Variants in RAP1GAP2 observed in about 807,000 individuals in gnomAD.
The protein encoded by RAP1GAP2 is RAP1 GTPase activating protein 2, also known as rap1 GTPase-activating protein 2.
Under a neutral mutation model 95.0 loss-of-function variants are expected in RAP1GAP2, and 27 were observed. The ratio of observed to expected loss-of-function variants is 0.28; its 90% confidence interval spans 0.21 to 0.39. The LOEUF is 0.39. Among genes scored for constraint, RAP1GAP2 ranks in the 10% least tolerant of loss-of-function variants. RAP1GAP2 has a pLI of 1.00. For missense variants in RAP1GAP2, 771 were observed against 970.0 expected (o/e 0.79, Z 2.72); for synonymous variants, 373 against 380.9 (o/e 0.98, Z 0.24).
rs1203385760 is a variant in RAP1GAP2, at chr17:2,906,805, T to C, written c.165+1437T>C. Among the ~76,000 whole-genome samples the C allele has an allele frequency of 6.6e-6, 1 of 152,202 alleles. No individual in the cohort carries two copies. Among genetic ancestry groups the C allele is most frequent in the Non-Finnish European group, 1.5e-5 (1 of 68,038 alleles). ...TCTCTTGGCAGATTTTACTTACTCATGTACTCATTTAATTCATTTAATACC... is the reference window on the plus strand; with the variant it reads ...TCTCTTGGCAGATTTTACTTACTCACGTACTCATTTAATTCATTTAATACC... On this transcript the variant is annotated intron_variant, in intron 3 of 24. Coordinates refer to ENST00000254695, the MANE Select transcript of RAP1GAP2 (RefSeq NM_015085.5). The surrounding 1 kb of genome is among the most constrained non-coding windows in gnomAD (Gnocchi z 4.3).
rs1008119739 is a variant in RAP1GAP2 at position 2,871,907 on chromosome 17, A to G, written c.81-33377A>G. 2.6e-5 allele frequency among the ~76,000 whole-genome samples: 4 copies of G among 152,260 alleles called. No individual in the cohort carries two copies. In the East Asian group the frequency reaches 7.7e-4, roughly 29 times the overall value. On this transcript the variant is annotated intron_variant, in intron 2 of 24. Transcript: ENST00000254695. The surrounding 1 kb of genome is among the most constrained non-coding windows in gnomAD (Gnocchi z 5.0). ...TGGCTGCCTAAATTATTTCACATTC[A>G]TACCATGGACTAACTACTTAAAATA...
intron 2 of RAP1GAP2, among the ~76,000 whole-genome samples, chr17:2,810,966 C>T (rs572638329): frequency 6.6e-6 from 1 of 152,238 alleles, no homozygotes; most frequent in African/African-American, 2.4e-5. Flanking sequence ...CAACTTTGCT[C>T]GAAGCTGACC....
intron 2 of RAP1GAP2, among the ~76,000 whole-genome samples, chr17:2,905,073 G>A (rs1239299285): frequency 2.0e-5 from 3 of 152,126 alleles, no homozygotes; most frequent in African/African-American, 7.2e-5. Context: ...AGTAGAGATG[G>A]GGTTTCACCA....
intron 2 of RAP1GAP2, among the ~76,000 whole-genome samples, chr17:2,853,010 G>C (rs1280133280): frequency 2.0e-5 from 3 of 151,988 alleles, no homozygotes; most frequent in Non-Finnish European, 2.9e-5. Flanking sequence ...AGGGCGGAGT[G>C]GGGGGCGCCC....
At chr17:2,916,965 A>G (rs1402236354) in intron 3 of RAP1GAP2, among the ~76,000 whole-genome samples, 2 of 152,192 alleles carry the variant, frequency 1.3e-5, no homozygotes, top group African/African-American at 2.4e-5. Context: ...GCTTCGGCCT[A>G]GGCGTCTAGG....
chr17:3,022,887 T>G lies in RAP1GAP2; in HGVS notation c.1751+2292T>G, dbSNP rs2047002768. Among the ~76,000 whole-genome samples the G allele has an allele frequency of 3.9e-5, 6 of 152,356 alleles. No homozygotes were observed. In the South Asian group the frequency reaches 1.0e-3, roughly 26 times the overall value. On this transcript the variant is annotated intron_variant, in intron 19 of 24. Coordinates refer to ENST00000254695, the MANE Select transcript of RAP1GAP2 (RefSeq NM_015085.5). ...TGTTTCATGCCTTAGATTTAATCCA[T>G]TTTGATTTGATTTTTATGTATGGTG...
chr17:2,768,692 C>A (rs1219118887), intron 1 of RAP1GAP2, among the ~76,000 whole-genome samples: 522 of 111,170 alleles, frequency 4.7e-3, no homozygotes, highest in Admixed American at 5.3e-3. Flanking sequence ...AACTCTGTCT[C>A]AAAAAAAAAA....
chr17:2,792,908 C>G (rs1311307223), upstream of RAP1GAP2, among the ~76,000 whole-genome samples: 2 of 152,208 alleles, frequency 1.3e-5, no homozygotes, highest in Non-Finnish European at 2.9e-5. Flanking sequence ...TGGGCATTTA[C>G]CTGGCTGTCT....
chr17:2,815,499 T>C (rs942421556), intron 2 of RAP1GAP2, among the ~76,000 whole-genome samples: 3 of 145,120 alleles, frequency 2.1e-5, no homozygotes, highest in Non-Finnish European at 4.5e-5. Flanking sequence ...TTATTATTAT[T>C]GAGACAGAGT....
At chr17:2,767,088 G>A (rs2068289839) in intron 1 of RAP1GAP2, among the ~76,000 whole-genome samples, 2 of 151,884 alleles carry the variant, frequency 1.3e-5, no homozygotes, top group East Asian at 3.9e-4. Flanking sequence ...TGGTGGCCAG[G>A]CGTGGTGGCT....
chr17:3,021,725 G>A (rs1300392467), intron 19 of RAP1GAP2, among the ~76,000 whole-genome samples: 1 of 152,190 alleles, frequency 6.6e-6, no homozygotes, highest in Non-Finnish European at 1.5e-5. Context: ...GTGAGCCACC[G>A]CACCCGGCCA....
upstream of RAP1GAP2, among the ~76,000 whole-genome samples, chr17:2,793,314 C>T (rs149072331): frequency 8.6e-3 from 1,310 of 152,212 alleles, 6 homozygotes; most frequent in African/African-American, 0.013. Flanking sequence ...CCACGACGCC[C>T]GGCTAATTTT....
intron 2 of RAP1GAP2, among the ~76,000 whole-genome samples, chr17:2,831,300 C>T (rs889605485): frequency 6.6e-5 from 10 of 150,922 alleles, no homozygotes; most frequent in Admixed American, 3.3e-4. Context: ...TGGTCTTGAA[C>T]TCCTGACCTC....
intron 2 of RAP1GAP2, among the ~76,000 whole-genome samples, chr17:2,862,769 G>A (rs890683672): frequency 1.3e-5 from 2 of 152,014 alleles, no homozygotes; most frequent in Non-Finnish European, 2.9e-5. Context: ...AGGCCAAGGC[G>A]GGCGGATCAC....
chr17:2,849,639 G>A (rs183343153), intron 2 of RAP1GAP2, among the ~76,000 whole-genome samples: 2 of 152,282 alleles, frequency 1.3e-5, no homozygotes, highest in Admixed American at 1.3e-4. Context: ...AGTTCCCCTG[G>A]ACTGGAAGAG....
At chr17:2,761,979 C>CTTTTT (rs901487276) in intron 1 of RAP1GAP2, among the ~76,000 whole-genome samples, 1 of 77,710 alleles carries the variant, frequency 1.3e-5, no homozygotes, top group Non-Finnish European at 2.4e-5. Context: ...GTTTATATAT[C>CTTTTT]TTTTTTTTTT....
rs1381484319 is a variant in RAP1GAP2 at position 2,963,059 on chromosome 17, C to T, written c.246+345C>T. The T allele has an allele frequency of 1.9e-6, 1 of 522,742 alleles. No homozygotes were observed. The highest frequency in any genetic ancestry group is 1.9e-5 in the African/African-American group (1 of 51,918). The allele number at this position is 522,742 out of a possible 1,614,324, so 32.4% of individuals were successfully genotyped here. ...CCAGTGGGCAGTCAGCTCTCAGCTTCCCAACCCAGGGGTGCCGCTTATCAC... is the reference window on the plus strand; with the variant it reads ...CCAGTGGGCAGTCAGCTCTCAGCTTTCCAACCCAGGGGTGCCGCTTATCAC... On this transcript the variant is annotated intron_variant, in intron 5 of 24. Coordinates refer to ENST00000254695, the MANE Select transcript of RAP1GAP2 (RefSeq NM_015085.5). This position sits in a 1 kb window ranked among gnomAD's most constrained non-coding sequence, Gnocchi z 4.8.
At chr17:2,823,125 C>T (rs1200362471) in intron 2 of RAP1GAP2, among the ~76,000 whole-genome samples, 1 of 151,462 alleles carries the variant, frequency 6.6e-6, no homozygotes, top group African/African-American at 2.4e-5. Context: ...ATGGGGATGG[C>T]GGGTGGCATG....
At chr17:2,808,748 G>A (rs549838531) in intron 2 of RAP1GAP2, among the ~76,000 whole-genome samples, 105 of 152,326 alleles carry the variant, frequency 6.9e-4, no homozygotes, top group African/African-American at 2.3e-3. Context: ...ACTCTGGTTC[G>A]TTGATTTCTT....
Sources: gnomAD v4.1 joint callset for allele counts (sites outside exome capture counted in the v4.1 genomes callset) on GRCh38, gnomAD v4.1.1 for gene constraint, Gnocchi (gnomAD v3.1) non-coding constraint, MANE v1.5 for transcripts, NCBI Gene and HGNC (gene_info 2026-07-23, HGNC 2026-07-21) for gene names.